USP34: variants seen among roughly 807,000 people sequenced by gnomAD.
USP34 encodes ubiquitin carboxyl-terminal hydrolase 34.
In USP34, 70 loss-of-function variants were observed where a neutral mutation model predicts 460.3. That is an observed-to-expected ratio of 0.15 (90% confidence interval 0.13 to 0.19). The LOEUF (loss-of-function observed/expected upper bound fraction) is 0.19. Among genes scored for constraint, USP34 ranks in the 10% least tolerant of loss-of-function variants. The probability of loss-of-function intolerance (pLI) is 1.00; values close to 1 mark genes in which losing one functional copy is unlikely to be tolerated. For synonymous variants in USP34, 1,647 were observed against 1,405.3 expected (o/e 1.17, Z -3.85); for missense variants, 3,985 against 4,236.2 (o/e 0.94, Z 1.65).
At chr2:61,396,486 A>G (rs1693530857) in intron 3 of USP34, among the ~76,000 whole-genome samples, 1 of 102,896 alleles carries the variant, frequency 9.7e-6, no homozygotes. Context: ...TAACCATTCC[A>G]GCTAATTTTT....
intron 37 of USP34, among the ~76,000 whole-genome samples, chr2:61,281,932 T>C (rs752106575): frequency 5.3e-5 from 8 of 152,236 alleles, no homozygotes; most frequent in Non-Finnish European, 1.2e-4. Flanking sequence ...AATGTCAAAA[T>C]GGTTACCTGA....
intron 8 of USP34, among the ~76,000 whole-genome samples, chr2:61,378,145 C>T (rs1692850390): frequency 6.6e-6 from 1 of 152,058 alleles, no homozygotes; most frequent in African/African-American, 2.4e-5. Context: ...TGTACTCCAC[C>T]CTGGGCAACA....
At chr2:61,216,804 G>C (rs1687414243) in intron 67 of USP34, among the ~76,000 whole-genome samples, 1 of 151,810 alleles carries the variant, frequency 6.6e-6, no homozygotes, top group Admixed American at 6.6e-5. Context: ...TGTAATCCCA[G>C]CTACTCAGGA....
rs544051453 is a variant in USP34 at position 61,326,844 on chromosome 2, C to T, written c.2931-1387G>A. Among the ~76,000 whole-genome samples, 330 of 143,820 alleles carry T rather than the reference C, an allele frequency of 2.3e-3. 1 individual carries two copies. The highest frequency in any genetic ancestry group is 8.4e-3 in the African/African-American group (322 of 38,432). 94.4% of individuals were successfully genotyped at this position (143,820 alleles called of 152,430 possible). On this transcript the variant is annotated intron_variant, in intron 20 of 79. Coordinates refer to ENST00000398571, the MANE Select transcript of USP34 (RefSeq NM_014709.4). ...ACTCGCCCAGGTTGGAGTGCAGTAG[C>T]GTGATCTCAGCTCACTGCAACCTCC...
At chr2:61,381,230 A>T (rs944507790) in intron 6 of USP34, among the ~76,000 whole-genome samples, 10 of 148,422 alleles carry the variant, frequency 6.7e-5, no homozygotes, top group Non-Finnish European at 1.0e-4. Context: ...AATAAATAAA[A>T]AATAAACAAA....
intron 10 of USP34, among the ~76,000 whole-genome samples, chr2:61,351,434 G>T (rs190985689): frequency 7.6e-4 from 115 of 151,644 alleles, no homozygotes; most frequent in African/African-American, 2.7e-3. Context: ...TATTTATGAA[G>T]ATATAAACAC....
chr2:61,466,576 T>C (rs527633678), intron 1 of USP34, among the ~76,000 whole-genome samples: 1 of 152,316 alleles, frequency 6.6e-6, no homozygotes, highest in South Asian at 2.1e-4. Flanking sequence ...ATGTACACCA[T>C]GAATATGTAA....
intron 57 of USP34, among the ~76,000 whole-genome samples, chr2:61,233,299 A>G (rs1007348880): frequency 1.3e-5 from 2 of 152,214 alleles, no homozygotes; most frequent in African/African-American, 4.8e-5. Context: ...CATGTTAAAC[A>G]CCACCAGGAA....
chr2:61,410,935 G>A (rs1694017597), intron 2 of USP34, among the ~76,000 whole-genome samples: 1 of 152,202 alleles, frequency 6.6e-6, no homozygotes, highest in South Asian at 2.1e-4. Context: ...TGAAGCCTGA[G>A]GCAGAAAATA....
intron 8 of USP34, among the ~76,000 whole-genome samples, chr2:61,375,791 A>AAAAAAAAAAAAAAAAAC: frequency 6.6e-6 from 1 of 150,386 alleles, no homozygotes; most frequent in Non-Finnish European, 1.5e-5. Context: ...AAAAAAAAAA[A>AAAAAAAAAAAAAAAAAC]AAAGTAGAAA....
chr2:61,266,190 T>A (rs1368276950), intron 41 of USP34, 23 bp from the exon 42 acceptor site: 1 of 1,588,192 alleles, frequency 6.3e-7, no homozygotes, highest in South Asian at 1.1e-5. Context: ...AGGAAACATG[T>A]TATCTAAACT....
intron 16 of USP34, among the ~76,000 whole-genome samples, chr2:61,341,888 G>A (rs866358764): frequency 6.0e-5 from 9 of 149,584 alleles, no homozygotes; most frequent in East Asian, 6.0e-4. Context: ...TCAGCGTCCC[G>A]AGTAGCTGGG....
chr2:61,446,977 G>A (rs937174601), intron 1 of USP34, among the ~76,000 whole-genome samples: 11 of 151,930 alleles, frequency 7.2e-5, no homozygotes, highest in Admixed American at 3.9e-4. Flanking sequence ...ACATTAGGCC[G>A]GGCGTGGTGG....
chr2:61,398,114 C>A (rs1693593730), intron 3 of USP34, among the ~76,000 whole-genome samples: 1 of 151,992 alleles, frequency 6.6e-6, no homozygotes, highest in South Asian at 2.1e-4. Context: ...TGGCTCACAC[C>A]TATAATCCCA....
At chr2:61,250,515 C>T (rs1264326388) in intron 48 of USP34, 3 of 160,084 alleles carry the variant, frequency 1.9e-5, no homozygotes, top group Non-Finnish European at 2.9e-5. Context: ...GGCATATTCT[C>T]TGCAAAATTT....
At chr2:61,305,955 G>T (rs1690391318) in intron 27 of USP34, among the ~76,000 whole-genome samples, 1 of 151,994 alleles carries the variant, frequency 6.6e-6, no homozygotes. Flanking sequence ...TTGTAAATTT[G>T]AGTTCTTTGT....
chr2:61,468,018 C>A (rs1695832372), intron 1 of USP34, among the ~76,000 whole-genome samples: 1 of 151,970 alleles, frequency 6.6e-6, no homozygotes, highest in South Asian at 2.1e-4. Flanking sequence ...GTAATTACTG[C>A]AAATGAGATC....
chr2:61,210,860 G>A (rs1357733870), intron 69 of USP34, among the ~76,000 whole-genome samples: 1 of 152,076 alleles, frequency 6.6e-6, no homozygotes, highest in Admixed American at 6.5e-5. Context: ...ACAGGTGCAT[G>A]CCGTCACACC....
intron 1 of USP34, among the ~76,000 whole-genome samples, chr2:61,453,670 A>G (rs1010859109): frequency 4.1e-5 from 6 of 147,858 alleles, no homozygotes; most frequent in Non-Finnish European, 8.9e-5. Context: ...AGATTCCACC[A>G]CACCACTGCA....
Sources: allele counts gnomAD v4.1 joint callset (sites outside exome capture counted in the v4.1 genomes callset), GRCh38; gene constraint gnomAD v4.1.1; transcripts MANE v1.5; gene names NCBI Gene and HGNC (gene_info 2026-07-23, HGNC 2026-07-21).